PALLD: variants seen among roughly 807,000 people sequenced by gnomAD.
The protein encoded by PALLD is palladin.
PALLD carries 61 observed loss-of-function variants against 123.5 expected under a neutral mutation model. The observed-to-expected ratio is 0.49, with a 90% CI of 0.40 to 0.61. The LOEUF is 0.61. Ranked by LOEUF, PALLD falls within the 20% of genes least tolerant of loss-of-function variation. PALLD has a pLI of 0.00. For missense variants in PALLD, 1,273 were observed against 1,377.0 expected (o/e 0.92, Z 1.20); for synonymous variants, 465 against 496.4 (o/e 0.94, Z 0.84).
In PALLD at chr4:168,877,843, C is replaced by T. The variant is rs774157326; in HGVS notation, c.1965-13079C>T. 1.8e-4 allele frequency: 246 copies of T among 1,348,206 alleles called. 1 individual carries two copies. Among genetic ancestry groups the T allele is most frequent in the Middle Eastern group, 6.3e-4 (3 of 4,788 alleles). 83.5% of individuals were successfully genotyped at this position (1,348,206 alleles called of 1,614,324 possible). A position where few individuals can be genotyped will look rare whatever the true frequency, so the allele number is the denominator to read the frequency against. The stretch of plus-strand genomic sequence containing the variant: ...CCTCGCCCCCCTTCCCGCCGCCGCC[C>T]GCCTTCCCCGAGCTCGCGGCCTGCA... On this transcript the variant is annotated intron_variant, in intron 10 of 21. Coordinates refer to ENST00000505667, the MANE Select transcript of PALLD (RefSeq NM_001166108.2).
At chr4:168,539,887 T>C (rs981227069) in intron 2 of PALLD, among the ~76,000 whole-genome samples, 2 of 152,124 alleles carry the variant, frequency 1.3e-5, no homozygotes, top group African/African-American at 4.8e-5. Flanking sequence ...GTGCTGAGGC[T>C]TGGGGTACGA....
intron 10 of PALLD, among the ~76,000 whole-genome samples, chr4:168,796,659 A>G (rs1213383856): frequency 3.9e-5 from 6 of 152,226 alleles, no homozygotes; most frequent in African/African-American, 1.2e-4. Context: ...CAAATGGCAT[A>G]TCTTCTGTAA....
intron 2 of PALLD, among the ~76,000 whole-genome samples, chr4:168,655,902 A>G (rs1375988209): frequency 6.6e-6 from 1 of 152,248 alleles, no homozygotes; most frequent in Non-Finnish European, 1.5e-5. Context: ...AGGAGTCCGT[A>G]CATGAACTGT....
chr4:168,833,461 A>C (rs2150870531), intron 10 of PALLD, among the ~76,000 whole-genome samples: 1 of 152,254 alleles, frequency 6.6e-6, no homozygotes, highest in Non-Finnish European at 1.5e-5. Flanking sequence ...AATCACAGAG[A>C]AACTAGCACG....
intron 9 of PALLD, among the ~76,000 whole-genome samples, chr4:168,709,943 T>G (rs1784676129): frequency 6.6e-6 from 1 of 152,142 alleles, no homozygotes; most frequent in Non-Finnish European, 1.5e-5. Context: ...CACCTCTGCA[T>G]CAGAGGTGCA....
chr4:168,917,978 A>C (rs563999054), intron 17 of PALLD, among the ~76,000 whole-genome samples: 1 of 152,198 alleles, frequency 6.6e-6, no homozygotes, highest in South Asian at 2.1e-4. Flanking sequence ...AGGCGGGCGG[A>C]TCACGAGGTC....
rs1491011865 is a variant in PALLD, at chr4:168,625,503, A to AT, written c.909-42686dup. ...CCAATAAGGGATTAATATCCAGGAG[A>AT]TATATATATATATATCCTATAAGGG... On this transcript the variant is annotated intron_variant, in intron 2 of 21. Coordinates refer to ENST00000505667, the MANE Select transcript of PALLD (RefSeq NM_001166108.2). 6.3e-5 allele frequency among the ~76,000 whole-genome samples: 7 copies of AT among 110,946 alleles called. No individual in the cohort carries two copies. In the South Asian group the frequency reaches 1.6e-3, roughly 25 times the overall value. The allele number at this position is 110,946 out of a possible 152,430, so 72.8% of individuals were successfully genotyped here.
chr4:168,853,707 C>T (rs1050358351), intron 10 of PALLD, among the ~76,000 whole-genome samples: 6 of 152,100 alleles, frequency 3.9e-5, no homozygotes, highest in African/African-American at 1.4e-4. Flanking sequence ...AGGGGGCGAC[C>T]AGGCCTGGTG....
intron 2 of PALLD, among the ~76,000 whole-genome samples, chr4:168,575,914 G>A (rs780709697): frequency 8.5e-5 from 13 of 152,068 alleles, no homozygotes; most frequent in South Asian, 2.1e-4. Context: ...ACAAAATTCC[G>A]TTTCAATTAA....
intron 6 of PALLD, among the ~76,000 whole-genome samples, chr4:168,690,197 GT>G (rs1782485550): frequency 6.6e-6 from 1 of 152,168 alleles, no homozygotes. Flanking sequence ...TTCTTGTCTG[GT>G]TTTCATAAGA....
At chr4:168,679,449 G>C in intron 3 of PALLD, among the ~76,000 whole-genome samples, 1 of 124,468 alleles carries the variant, frequency 8.0e-6, no homozygotes, top group Admixed American at 7.9e-5. Context: ...TGTGTGTGTG[G>C]TGGGGTGAGT....
intron 10 of PALLD, among the ~76,000 whole-genome samples, chr4:168,857,940 T>C (rs1257494846): frequency 6.6e-6 from 1 of 152,250 alleles, no homozygotes; most frequent in Non-Finnish European, 1.5e-5. Context: ...ATGCTTTCCC[T>C]GGTGTTACTA....
intron 21 of PALLD, 85 bp downstream of exon 21, chr4:168,925,363 C>T: frequency 9.8e-7 from 1 of 1,015,386 alleles, no homozygotes; most frequent in South Asian, 1.3e-5. Context: ...CTTCCTTACT[C>T]AAGCATCCTT....
chr4:168,920,607 G>A (rs112528580), intron 17 of PALLD, among the ~76,000 whole-genome samples: 2,614 of 152,118 alleles, frequency 0.017, 63 homozygotes, highest in African/African-American at 0.044. Flanking sequence ...GACCCTTTGC[G>A]GCACAACATG....
intron 10 of PALLD, among the ~76,000 whole-genome samples, chr4:168,845,392 T>C (rs181073927): frequency 2.0e-5 from 3 of 152,222 alleles, no homozygotes; most frequent in Admixed American, 2.0e-4. Flanking sequence ...TCCACATTCA[T>C]GGATTTAACC....
At chr4:168,719,828 G>A (rs1416108272) in intron 10 of PALLD, among the ~76,000 whole-genome samples, 2 of 152,246 alleles carry the variant, frequency 1.3e-5, no homozygotes, top group South Asian at 2.1e-4. Context: ...AGAATATGTG[G>A]TATTTGTTTT....
chr4:168,514,251 A>C (rs1220297530), intron 2 of PALLD, among the ~76,000 whole-genome samples: 1 of 152,246 alleles, frequency 6.6e-6, no homozygotes, highest in Non-Finnish European at 1.5e-5. Context: ...ACTTCCCTGT[A>C]TCTCTGATCC....
chr4:168,695,828 A>G (rs1783079675), intron 8 of PALLD, among the ~76,000 whole-genome samples: 1 of 152,206 alleles, frequency 6.6e-6, no homozygotes, highest in South Asian at 2.1e-4. Flanking sequence ...GGAAATAACT[A>G]CATAACAAAC....
intron 10 of PALLD, among the ~76,000 whole-genome samples, chr4:168,728,913 G>A (rs753250155): frequency 2.6e-5 from 4 of 152,018 alleles, no homozygotes; most frequent in Non-Finnish European, 4.4e-5. Context: ...TGCCTTTGTG[G>A]ATGCCTTTTA....
Sources: allele counts gnomAD v4.1 joint callset (sites outside exome capture counted in the v4.1 genomes callset), GRCh38; gene constraint gnomAD v4.1.1; transcripts MANE v1.5; gene names NCBI Gene and HGNC (gene_info 2026-07-23, HGNC 2026-07-21).